Variants in PDGFRL observed in about 807,000 individuals in gnomAD.
PDGFRL encodes platelet derived growth factor receptor like.
A neutral mutation model predicts 37.2 loss-of-function variants in PDGFRL; 46 were observed. The ratio of observed to expected loss-of-function variants is 1.24; its 90% CI spans 0.98 to 1.58. The LOEUF (loss-of-function observed/expected upper bound fraction) is 1.58, where lower values mean the gene tolerates loss of function less well. Among genes scored for constraint, PDGFRL ranks in the 40% most tolerant of loss-of-function variants. The probability of loss-of-function intolerance (pLI) is 0.00; values close to 1 mark genes in which losing one functional copy is unlikely to be tolerated. For synonymous variants in PDGFRL, 251 were observed against 184.3 expected, an observed-to-expected ratio of 1.36 and a Z score of -2.93; for missense variants, 692 against 467.6, an observed-to-expected ratio of 1.48 and a Z score of -4.43.
At chr8:17,582,172 G>T (rs760140806) in intron 1 of PDGFRL, among the ~76,000 whole-genome samples, 8 of 152,138 alleles carry the variant, frequency 5.3e-5, no homozygotes, top group Non-Finnish European at 1.0e-4. Flanking sequence ...GAACTTGGCT[G>T]CATTGTGTCC....
At chr8:17,604,349 C>T (rs975135744) in intron 2 of PDGFRL, among the ~76,000 whole-genome samples, 18 of 152,028 alleles carry the variant, frequency 1.2e-4, no homozygotes, top group East Asian at 5.8e-4. Flanking sequence ...TATCCAACAG[C>T]GATAGACTGG....
chr8:17,626,988 C>G (rs1160714089), intron 3 of PDGFRL, among the ~76,000 whole-genome samples: 1 of 152,200 alleles, frequency 6.6e-6, no homozygotes, highest in Non-Finnish European at 1.5e-5. Flanking sequence ...CTGATGGGTT[C>G]CTCCTTCAAG....
intron 2 of PDGFRL, among the ~76,000 whole-genome samples, chr8:17,619,331 A>C (rs1804587533): frequency 1.3e-5 from 2 of 152,228 alleles, no homozygotes; most frequent in Admixed American, 1.3e-4. Flanking sequence ...TAATAGAATT[A>C]ATTACCATTG....
chr8:17,582,380 G>A (rs901125540), intron 1 of PDGFRL, among the ~76,000 whole-genome samples: 1 of 152,136 alleles, frequency 6.6e-6, no homozygotes, highest in South Asian at 2.1e-4. Context: ...TCAGGAGATC[G>A]AGACCAGCCT....
intron 5 of PDGFRL, among the ~76,000 whole-genome samples, chr8:17,635,073 C>A (rs1804944686): frequency 6.6e-6 from 1 of 152,164 alleles, no homozygotes. Flanking sequence ...TCTTCTGGGC[C>A]AACTAGAGTC....
chr8:17,583,019 C>G (rs1341967682), intron 1 of PDGFRL, among the ~76,000 whole-genome samples: 1 of 152,050 alleles, frequency 6.6e-6, no homozygotes, highest in African/African-American at 2.4e-5. Context: ...CAGAAGAGGC[C>G]AATAAGCAGA....
Position 17,642,870 on chromosome 8 carries a change from T to C in PDGFRL, c.*69T>C, listed in dbSNP as rs1805177931. 4 of 999,244 alleles carry C rather than the reference T, an allele frequency of 4.0e-6. No homozygotes were observed. Among genetic ancestry groups the C allele is most frequent in the South Asian group, 1.5e-5 (1 of 68,858 alleles). 61.9% of individuals were successfully genotyped at this position (999,244 alleles called of 1,614,324 possible). On this transcript the variant is annotated 3_prime_UTR_variant, in exon 6 of 6. Coordinates refer to ENST00000251630, the MANE Select transcript of PDGFRL (RefSeq NM_001372073.1). ...GTACACAGTCAGCTTTGGGGTTCCT[T>C]TTATTAGTGCTTTGCCAGAGGCTGA...
chr8:17,610,860 G>A (rs1291488481), intron 2 of PDGFRL, among the ~76,000 whole-genome samples: 2 of 151,552 alleles, frequency 1.3e-5, no homozygotes, highest in Admixed American at 6.6e-5. Flanking sequence ...GCAGTGAGCC[G>A]AGATCACACC....
At chr8:17,639,942 T>C (rs949743576) in intron 5 of PDGFRL, among the ~76,000 whole-genome samples, 1 of 152,228 alleles carries the variant, frequency 6.6e-6, no homozygotes, top group African/African-American at 2.4e-5. Flanking sequence ...TTTAATATAA[T>C]CCCAAACATC....
intron 2 of PDGFRL, among the ~76,000 whole-genome samples, chr8:17,594,097 A>G (rs572776367): frequency 6.6e-6 from 1 of 150,814 alleles, no homozygotes; most frequent in South Asian, 2.1e-4. Context: ...TAGGTACCCC[A>G]TATAAATGGA....
chr8:17,634,004 A>G, intron 4 of PDGFRL, 70 bp from the exon 5 acceptor site: 1 of 1,420,194 alleles, frequency 7.0e-7, no homozygotes, highest in Non-Finnish European at 1.0e-6. Flanking sequence ...ATGGAAAAGA[A>G]TGCATCTGTA....
At chr8:17,596,571 T>G (rs1272341711) in intron 2 of PDGFRL, among the ~76,000 whole-genome samples, 1 of 152,244 alleles carries the variant, frequency 6.6e-6, no homozygotes, top group Non-Finnish European at 1.5e-5. Context: ...CAAATATATC[T>G]AAATTATATA....
At chr8:17,627,114 G>T (rs1457527457) in intron 3 of PDGFRL, among the ~76,000 whole-genome samples, 1 of 152,172 alleles carries the variant, frequency 6.6e-6, no homozygotes, top group Non-Finnish European at 1.5e-5. Flanking sequence ...TGATGTACTG[G>T]GAAATGCTTC....
chr8:17,639,730 T>C (rs1326305670), intron 5 of PDGFRL, among the ~76,000 whole-genome samples: 2 of 152,212 alleles, frequency 1.3e-5, no homozygotes, highest in Non-Finnish European at 2.9e-5. Context: ...ATCTTCGCTT[T>C]AGATAACCTG....
intron 2 of PDGFRL, among the ~76,000 whole-genome samples, chr8:17,619,451 C>T (rs1281317953): frequency 6.6e-6 from 1 of 152,050 alleles, no homozygotes; most frequent in Non-Finnish European, 1.5e-5. Context: ...TTACAAAATA[C>T]AAAAGATAAG....
intron 2 of PDGFRL, among the ~76,000 whole-genome samples, chr8:17,606,811 C>T (rs555657155): frequency 1.7e-4 from 26 of 151,884 alleles, no homozygotes; most frequent in African/African-American, 4.8e-4. Context: ...ACCTAAATAT[C>T]GGTGAGCTAT....
At chr8:17,634,365 G>A in intron 5 of PDGFRL, 152 bp downstream of exon 5, 3 of 574,502 alleles carry the variant, frequency 5.2e-6, no homozygotes, top group Non-Finnish European at 9.1e-6. Context: ...GCCAGGTATT[G>A]TTTGTTTTTT....
At chr8:17,605,938 GC>G (rs1804267090) in intron 2 of PDGFRL, among the ~76,000 whole-genome samples, 2 of 152,160 alleles carry the variant, frequency 1.3e-5, no homozygotes, top group African/African-American at 4.8e-5. Flanking sequence ...GCCACGGTTG[GC>G]AACAGCTTAC....
chr8:17,589,571 G>C lies in PDGFRL; in HGVS notation c.159G>C (p.Lys53Asn). 1.2e-6 allele frequency: 2 copies of C among 1,613,752 alleles called. No individual in the cohort carries two copies. Among genetic ancestry groups the C allele is most frequent in the Non-Finnish European group, 1.7e-6 (2 of 1,179,674 alleles). Reference protein sequence around the residue: ...KKVKPKIPKMKDRDSANSAPK... With the variant: ...KKVKPKIPKMNDRDSANSAPK... ...TGAAGCCCAAAATTCCTAAAATGAA[G>C]GACAGGGACTCAGCCAATTCAGCAC... The change falls in exon 2 of 6, where the codon AAG (lysine) becomes AAC (asparagine). Residue 53 changes from lysine (K) to asparagine (N), a missense_variant. Coordinates refer to ENST00000251630, the MANE Select transcript of PDGFRL (RefSeq NM_001372073.1).
Sources: gnomAD v4.1 joint callset for allele counts (sites outside exome capture counted in the v4.1 genomes callset) on GRCh38, gnomAD v4.1.1 for gene constraint, MANE v1.5 for transcripts, NCBI Gene and HGNC (gene_info 2026-07-23, HGNC 2026-07-21) for gene names.